PTPRN2: variants seen among roughly 807,000 people sequenced by gnomAD.
PTPRN2 encodes the protein protein tyrosine phosphatase receptor type N2.
In PTPRN2, 74 loss-of-function variants were observed where a neutral mutation model predicts 118.8. The observed-to-expected ratio is 0.62, with a 90% confidence interval of 0.52 to 0.76. The LOEUF is 0.76. PTPRN2 is among the 30% of genes least tolerant of loss of function. The probability of loss-of-function intolerance (pLI) is 0.00; values close to 1 mark genes in which losing one functional copy is unlikely to be tolerated. For synonymous variants in PTPRN2, 641 were observed against 608.0 expected, an observed-to-expected ratio of 1.05 and a Z score of -0.80; for missense variants, 1,481 against 1,394.4, an observed-to-expected ratio of 1.06 and a Z score of -0.99.
chr7:158,155,394 CAGTT>C (rs1352706117), intron 6 of PTPRN2, among the ~76,000 whole-genome samples: 38 of 152,242 alleles, frequency 2.5e-4, no homozygotes, highest in South Asian at 6.2e-4. Flanking sequence ...TGAAGGTACA[CAGTT>C]AGCCACATCT....
chr7:158,065,077 G>A (rs907451847), intron 11 of PTPRN2, among the ~76,000 whole-genome samples: 2 of 152,262 alleles, frequency 1.3e-5, no homozygotes, highest in African/African-American at 4.8e-5. Flanking sequence ...TTCTGGGTGA[G>A]AGAAGCTAAG....
chr7:158,349,957 A>G (rs1452579833), intron 2 of PTPRN2, among the ~76,000 whole-genome samples: 1 of 152,128 alleles, frequency 6.6e-6, no homozygotes, highest in Non-Finnish European at 1.5e-5. Context: ...CAAGGGCGTT[A>G]CTAGCGCTCA....
At chr7:157,985,758 T>C (rs1452474417) in intron 11 of PTPRN2, among the ~76,000 whole-genome samples, 1 of 152,232 alleles carries the variant, frequency 6.6e-6, no homozygotes, top group Non-Finnish European at 1.5e-5. Flanking sequence ...AACAAACTCC[T>C]GAGGGAGGTG....
intron 11 of PTPRN2, among the ~76,000 whole-genome samples, chr7:157,907,709 T>G (rs1204661858): frequency 7.4e-6 from 1 of 136,020 alleles, no homozygotes; most frequent in Admixed American, 7.3e-5. Flanking sequence ...TGGGGTGTCC[T>G]GGGTGGCAGT....
intron 11 of PTPRN2, among the ~76,000 whole-genome samples, chr7:158,071,663 C>T (rs199806108): frequency 0.036 from 2,853 of 78,330 alleles, 108 homozygotes; most frequent in Non-Finnish European, 0.053. Flanking sequence ...TGGAGGTGCT[C>T]GTGGTGGTGG....
chr7:158,269,924 A>G (rs1798194990), intron 3 of PTPRN2, among the ~76,000 whole-genome samples: 1 of 151,438 alleles, frequency 6.6e-6, no homozygotes, highest in African/African-American at 2.5e-5. Context: ...AGAAACAGAG[A>G]GACAGAGATA....
At chr7:157,748,016 T>C (rs1424709814) in intron 12 of PTPRN2, among the ~76,000 whole-genome samples, 2 of 134,868 alleles carry the variant, frequency 1.5e-5, no homozygotes, top group Non-Finnish European at 3.2e-5. Flanking sequence ...TCCGGGTGAT[T>C]CTGAGGCCTG....
rs1019077836 is a variant in PTPRN2 at position 157,611,670 on chromosome 7, C to A, written c.2345-7595G>T. ...CGTGCTGTTAGGAAGAAGGACTCTG[C>A]ACACCCACACGGGAGGGAGAGCGCC... On this transcript the variant is annotated intron_variant, in intron 15 of 22. Transcript: ENST00000389418. The surrounding 1 kb of genome is among the most constrained non-coding windows in gnomAD (Gnocchi z 5.9). 1.3e-5 allele frequency among the ~76,000 whole-genome samples: 2 copies of A among 152,170 alleles called. No individual in the cohort carries two copies. The highest frequency in any genetic ancestry group is 2.9e-5 in the Non-Finnish European group (2 of 68,032).
At chr7:158,286,165 T>C (rs1453098) in intron 3 of PTPRN2, among the ~76,000 whole-genome samples, 40,078 of 152,170 alleles carry the variant, frequency 0.26, 5,627 homozygotes, top group East Asian at 0.41. Flanking sequence ...CAGTTCATTC[T>C]CAGTGTATAA....
chr7:157,655,531 C>A (rs1806012929), intron 14 of PTPRN2, among the ~76,000 whole-genome samples: 1 of 152,198 alleles, frequency 6.6e-6, no homozygotes, highest in South Asian at 2.1e-4. Context: ...CATCCTGCAA[C>A]CTGGGAACTT....
intron 6 of PTPRN2, among the ~76,000 whole-genome samples, chr7:158,164,253 G>A (rs968546634): frequency 5.3e-5 from 8 of 151,742 alleles, no homozygotes; most frequent in South Asian, 2.1e-4. Flanking sequence ...AGGAGCGCAC[G>A]CGTAGGAAGA....
intron 2 of PTPRN2, among the ~76,000 whole-genome samples, chr7:158,342,003 T>A (rs1268201412): frequency 1.4e-4 from 16 of 116,584 alleles, no homozygotes; most frequent in East Asian, 5.7e-4. Context: ...AGGTGACACC[T>A]GCAGACGTCA....
intron 2 of PTPRN2, among the ~76,000 whole-genome samples, chr7:158,320,738 T>C (rs1490152874): frequency 6.6e-6 from 1 of 152,216 alleles, no homozygotes; most frequent in African/African-American, 2.4e-5. Context: ...ATGATGTGGG[T>C]GTCCTTTATT....
At chr7:158,407,172 C>CGTCCCGGGTCCCGG (rs1813551211) in intron 2 of PTPRN2, among the ~76,000 whole-genome samples, 1 of 45,172 alleles carries the variant, frequency 2.2e-5, no homozygotes, top group African/African-American at 8.5e-5. Flanking sequence ...CTGGGTCCTG[C>CGTCCCGGGTCCCGG]GTCCTGCGTC....
intron 6 of PTPRN2, among the ~76,000 whole-genome samples, chr7:158,144,162 AAAG>A (rs1242630046): frequency 1.3e-5 from 2 of 152,244 alleles, no homozygotes; most frequent in African/African-American, 2.4e-5. Flanking sequence ...ACTTCTCAAT[AAAG>A]AAGGTTAAAT....
chr7:158,256,746 C>G (rs1797049479), intron 3 of PTPRN2, among the ~76,000 whole-genome samples: 1 of 151,946 alleles, frequency 6.6e-6, no homozygotes, highest in African/African-American at 2.4e-5. Context: ...TTAAACTCAG[C>G]CCTAATAGGA....
At chr7:158,109,898 CCT>C (rs753151645) in intron 10 of PTPRN2, among the ~76,000 whole-genome samples, 2 of 151,758 alleles carry the variant, frequency 1.3e-5, no homozygotes, top group Non-Finnish European at 2.9e-5. Context: ...TGATGTCACC[CCT>C]GTGTGAAGAG....
chr7:157,997,618 C>G (rs531519954), intron 11 of PTPRN2, among the ~76,000 whole-genome samples: 1 of 151,634 alleles, frequency 6.6e-6, no homozygotes, highest in South Asian at 2.1e-4. Flanking sequence ...AATGTCCCTG[C>G]AGATAAACGT....
At chr7:158,075,055 G>A (rs1812239684) in intron 11 of PTPRN2, among the ~76,000 whole-genome samples, 1 of 152,212 alleles carries the variant, frequency 6.6e-6, no homozygotes, top group Admixed American at 6.5e-5. Flanking sequence ...TGCGCTCAGG[G>A]TAAAGCCATG....
Sources: gnomAD v4.1 joint callset for allele counts (sites outside exome capture counted in the v4.1 genomes callset) on GRCh38, gnomAD v4.1.1 for gene constraint, Gnocchi (gnomAD v3.1) non-coding constraint, MANE v1.5 for transcripts, NCBI Gene and HGNC (gene_info 2026-07-23, HGNC 2026-07-21) for gene names.